Variants in RYR1 observed in about 807,000 individuals in gnomAD.
RYR1 encodes ryanodine receptor 1, also known as central core disease of muscle.
RYR1 carries 342 observed loss-of-function variants against 583.5 expected under a neutral mutation model. The observed-to-expected ratio is 0.59, with a 90% CI of 0.54 to 0.64. RYR1 has a LOEUF of 0.64. RYR1 is among the 30% of genes least tolerant of loss of function. RYR1 has a pLI of 0.00. For missense variants in RYR1, 6,032 were observed against 6,917.2 expected (o/e 0.87, Z 4.54); for synonymous variants, 2,791 against 2,822.5 (o/e 0.99, Z 0.35).
At chr19:38,465,414 G>T (rs1968041179) in intron 23 of RYR1, among the ~76,000 whole-genome samples, 1 of 152,092 alleles carries the variant, frequency 6.6e-6, no homozygotes, top group African/African-American at 2.4e-5. Context: ...GCTGCAGTGA[G>T]CCATGATTGC....
chr19:38,586,136 A>G lies in RYR1; in HGVS notation c.14914A>G (p.Thr4972Ala). The G allele has an allele frequency of 6.2e-7, 1 of 1,614,070 alleles. No homozygotes were observed. Among genetic ancestry groups the G allele is most frequent in the Non-Finnish European group, 8.5e-7 (1 of 1,180,016 alleles). The change falls in exon 104 of 106, where the codon ACA (threonine) becomes GCA (alanine). Residue 4972 changes from threonine to alanine, a missense_variant. Thr to Ala is a moderately conservative substitution (Grantham distance 58, BLOSUM62 0). Around this residue, in one of 11 missense-constraint regions of RYR1, gnomAD observed 189 missense variants for 350.3 expected, o/e 0.54. Coordinates refer to ENST00000359596, the MANE Select transcript of RYR1 (RefSeq NM_000540.3). ...CGIGSDYFDT[T>A]PHGFETHTLE... ...AATCGGCAGTGACTACTTTGATACGACACCGCATGGCTTCGAGACTCACAC... is the reference window on the plus strand; with the variant it reads ...AATCGGCAGTGACTACTTTGATACGGCACCGCATGGCTTCGAGACTCACAC...
Position 38,536,079 on chromosome 19 carries a change from C to A in RYR1, c.11590+9C>A, listed in dbSNP as rs1295554488. The A allele has an allele frequency of 1.2e-6, 2 of 1,608,630 alleles. No homozygotes were observed. Among genetic ancestry groups the A allele is most frequent in the East Asian group, 2.2e-5 (1 of 44,850 alleles). The stretch of plus-strand genomic sequence containing the variant: ...GAATGAGGATGGCACTGGTGAGGCC[C>A]TCCCTTGGGCTTCCCACCCCCTGAG... On this transcript the variant is annotated intron_variant, in intron 82 of 105. Coordinates refer to ENST00000359596, the MANE Select transcript of RYR1 (RefSeq NM_000540.3).
chr19:38,582,986 A>G (rs1974283143), intron 101 of RYR1, among the ~76,000 whole-genome samples: 1 of 151,960 alleles, frequency 6.6e-6, no homozygotes, highest in African/African-American at 2.4e-5. Flanking sequence ...GTTCTCTCAC[A>G]TCCTGGGGAC....
At chr19:38,577,721 G>A (rs760848384) in intron 97 of RYR1, among the ~76,000 whole-genome samples, 197 bp from the exon 98 acceptor site, 3 of 151,980 alleles carry the variant, frequency 2.0e-5, no homozygotes, top group Non-Finnish European at 2.9e-5. Context: ...GCTTGAACCC[G>A]GGAGGCACAG....
At chr19:38,436,560 A>G (rs1483626660) in intron 1 of RYR1, among the ~76,000 whole-genome samples, 2 of 152,040 alleles carry the variant, frequency 1.3e-5, no homozygotes, top group Non-Finnish European at 2.9e-5. Context: ...TGTAGCATGT[A>G]TTGAGTTTGT....
At chr19:38,531,050 TCTCAAAC>T (rs1971718632) in intron 76 of RYR1, among the ~76,000 whole-genome samples, 1 of 148,868 alleles carries the variant, frequency 6.7e-6, no homozygotes, top group Non-Finnish European at 1.5e-5. Context: ...TCCAGGCTGG[TCTCAAAC>T]TCCTGACCTC....
chr19:38,561,187 C>G lies in RYR1; in HGVS notation c.12357C>G (p.Asn4119Lys). 1 of 1,614,184 alleles carries G rather than the reference C, an allele frequency of 6.2e-7. No individual in the cohort carries two copies. Among genetic ancestry groups the G allele is most frequent in the Non-Finnish European group, 8.5e-7 (1 of 1,180,046 alleles). The change falls in exon 90 of 106, where the codon AAC becomes AAG. Residue 4119 changes from asparagine to lysine, a missense_variant. Around this residue, in one of 11 missense-constraint regions of RYR1, gnomAD observed 753 missense variants for 759.6 expected, o/e 0.99. Transcript: ENST00000359596. The surrounding 1 kb of genome is among the most constrained non-coding windows in gnomAD (Gnocchi z 4.8). ...TTTCGTGCTCCGAAGCGGATGAGAA[C>G]GAAATGATCAACTGCGAAGAGTTCG... ...FLLSCSEADE[N>K]EMINCEEFAN...
intron 70 of RYR1, among the ~76,000 whole-genome samples, chr19:38,524,186 C>CAA (rs56388141): frequency 3.6e-4 from 30 of 84,110 alleles, no homozygotes; most frequent in East Asian, 6.9e-4. Context: ...CTTTTGTTCC[C>CAA]AAAAAAAAAA....
Position 38,502,869 on chromosome 19 carries a change from T to C in RYR1, c.7836-11T>C, listed in dbSNP as rs767749469. ...GACGGGGGATTCTACATCTTGTGCA[T>C]TGTCCCGCAGGTACATCCGCCCGTC... On this transcript the variant is annotated splice_polypyrimidine_tract_variant and intron_variant, in intron 48 of 105. Transcript: ENST00000359596. 1.2e-6 allele frequency: 2 copies of C among 1,609,006 alleles called. No homozygotes were observed.
intron 1 of RYR1, among the ~76,000 whole-genome samples, chr19:38,435,970 G>A (rs1026884122): frequency 7.2e-5 from 11 of 152,088 alleles, no homozygotes; most frequent in Admixed American, 2.0e-4. Flanking sequence ...GTGCAATGGC[G>A]TGATCGCAGC....
rs797045935 is a variant in RYR1 at position 38,506,860 on chromosome 19, C to T, written c.8724C>T (p.Tyr2908=). The change falls in exon 57 of 106, where the codon TAC becomes TAT. Residue 2908 remains tyrosine (Y), a synonymous_variant. Coordinates refer to ENST00000359596, the MANE Select transcript of RYR1 (RefSeq NM_000540.3). ...GGGTHPLLVP[Y]DTLTAKEKAR... is the part of the protein sequence containing the mutation. ...GGACCCACCCCCTGCTGGTCCCCTA[C>T]GACACGCTCACGGCCAAGGAGAAGG... is the stretch of plus-strand genomic sequence containing the variant. The T allele has an allele frequency of 4.3e-6, 7 of 1,613,946 alleles. No homozygotes were observed. Among genetic ancestry groups the T allele is most frequent in the Non-Finnish European group, 5.9e-6 (7 of 1,180,042 alleles).
At position 38,444,293 on chromosome 19, in the gene RYR1, T is replaced by C. The variant is rs1972834456; in HGVS notation, c.537+32T>C. 3.3e-6 allele frequency: 5 copies of C among 1,526,460 alleles called. No individual in the cohort carries two copies. Among genetic ancestry groups the C allele is most frequent in the South Asian group, 1.1e-5 (1 of 88,450 alleles). 94.6% of individuals were successfully genotyped at this position (1,526,460 alleles called of 1,614,324 possible). A position where few individuals can be genotyped will look rare whatever the true frequency, so the allele number is the denominator to read the frequency against. ...CATTGCGGTTCCTCCTGCTCCCAGG[T>C]CTGGGGGCGCATGGGATGGTCCCCA... On this transcript the variant is annotated intron_variant, in intron 6 of 105. Transcript: ENST00000359596. The surrounding 1 kb of genome is among the most constrained non-coding windows in gnomAD (Gnocchi z 5.1).
intron 20 of RYR1, among the ~76,000 whole-genome samples, chr19:38,463,153 C>CCT (rs1555772103): frequency 2.6e-5 from 2 of 78,108 alleles, no homozygotes; most frequent in Non-Finnish European, 6.6e-5. Context: ...CCCCCCCCCC[C>CCT]CCACTTAGCC....
chr19:38,535,527 G>A, intron 81 of RYR1, 135 bp downstream of exon 81: 2 of 755,070 alleles, frequency 2.6e-6, no homozygotes, highest in Admixed American at 3.8e-5. Flanking sequence ...TCAAATAACA[G>A]GGAATTTATT....
At chr19:38,461,154 A>AAAAC (rs143176132) in intron 20 of RYR1, among the ~76,000 whole-genome samples, 1 of 151,130 alleles carries the variant, frequency 6.6e-6, no homozygotes, top group Admixed American at 6.6e-5. Context: ...ACTTCATCTC[A>AAAAC]AAACAAACAA....
intron 34 of RYR1, 107 bp from the exon 35 acceptor site, chr19:38,489,070 C>A: frequency 1.0e-6 from 1 of 981,580 alleles, no homozygotes; most frequent in Non-Finnish European, 1.6e-6. Flanking sequence ...TCAGCCAATG[C>A]AGGAATGATT....
At chr19:38,545,018 C>T (rs1600992868) in intron 87 of RYR1, among the ~76,000 whole-genome samples, 2 of 152,124 alleles carry the variant, frequency 1.3e-5, no homozygotes, top group South Asian at 4.1e-4. Context: ...CTCCTATCCA[C>T]TCTACTTCTT....
At chr19:38,484,386 CCT>C (rs1969172063) in intron 33 of RYR1, among the ~76,000 whole-genome samples, 1 of 148,778 alleles carries the variant, frequency 6.7e-6, no homozygotes, top group African/African-American at 2.6e-5. Flanking sequence ...CTTCCTCCCT[CCT>C]TCCCTCTCTC....
intron 87 of RYR1, among the ~76,000 whole-genome samples, chr19:38,544,397 C>G (rs779581507): frequency 6.6e-6 from 1 of 152,188 alleles, no homozygotes; most frequent in Non-Finnish European, 1.5e-5. Flanking sequence ...GCCAATGTCT[C>G]ACGAACACTT....
Sources: allele counts gnomAD v4.1 joint callset (sites outside exome capture counted in the v4.1 genomes callset), GRCh38; gene constraint gnomAD v4.1.1; regional missense constraint gnomAD v4.1.1; non-coding constraint Gnocchi (gnomAD v3.1); transcripts MANE v1.5; gene names NCBI Gene and HGNC (gene_info 2026-07-23, HGNC 2026-07-21).